The following GPR149 variants were observed in gnomAD, a reference collection of about 807,000 sequenced individuals.
The protein encoded by GPR149 is G protein-coupled receptor 149, also known as probable G protein-coupled receptor 149.
GPR149 carries 50 observed loss-of-function variants against 50.2 expected under a neutral mutation model. That is an observed-to-expected ratio of 1.00 (90% CI 0.79 to 1.26). The LOEUF (loss-of-function observed/expected upper bound fraction) is 1.26. Among genes scored for constraint, GPR149 ranks in the 50% most tolerant of loss-of-function variants. GPR149 has a pLI of 0.00. For missense variants in GPR149, 983 were observed against 895.4 expected, an observed-to-expected ratio of 1.10 and a Z score of -1.25; for synonymous variants, 405 against 358.2, an observed-to-expected ratio of 1.13 and a Z score of -1.48.
intron 3 of GPR149, among the ~76,000 whole-genome samples, chr3:154,402,670 T>C (rs1711576213): frequency 6.6e-6 from 1 of 152,148 alleles, no homozygotes; most frequent in South Asian, 2.1e-4. Context: ...ATCAATTCCT[T>C]TCTTCCTCAA....
At chr3:154,393,108 G>A (rs976646053) in intron 3 of GPR149, among the ~76,000 whole-genome samples, 16 of 151,888 alleles carry the variant, frequency 1.1e-4, no homozygotes, top group African/African-American at 3.1e-4. Context: ...TGATACCAAA[G>A]CCAGACAAAA....
Position 154,337,966 on chromosome 3 carries a change from G to A in GPR149, c.1929C>T (p.Ser643=). The A allele has an allele frequency of 1.2e-6, 2 of 1,614,062 alleles. No individual in the cohort carries two copies. Among genetic ancestry groups the A allele is most frequent in the South Asian group, 1.1e-5 (1 of 91,070 alleles). Residue 643 remains serine, a synonymous_variant, in exon 4 of 4, where the codon TCC becomes TCT. Transcript: ENST00000389740. ...GGGATGGAGATCTGACTTGTGTGGA[G>A]GACTGACTGATGTTACTAATGATTG... ...TVSIISNISQ[S]STQVRSPSLR...
intron 3 of GPR149, among the ~76,000 whole-genome samples, chr3:154,414,398 A>G (rs542285252): frequency 1.3e-5 from 2 of 152,208 alleles, no homozygotes; most frequent in East Asian, 3.9e-4. Context: ...CATAATATAC[A>G]AAGAATGAAA....
In GPR149 at chr3:154,337,886, G is replaced by A. The variant is rs200680639; in HGVS notation, c.2009C>T (p.Ala670Val). The A allele has an allele frequency of 2.5e-6, 4 of 1,613,492 alleles. No homozygotes were observed. The highest frequency in any genetic ancestry group is 1.7e-5 in the Admixed American group (1 of 59,958). ...RFVSCDLGET[A>V]SYSLFLPTSN... ...GGTGGGCAAAAAGAGGGAGTATGAG[G>A]CTGTTTCCCCTAGGTCACATGAAAC... The change falls in exon 4 of 4, where the codon GCC becomes GTC. Residue 670 changes from alanine to valine, a missense_variant. Coordinates refer to ENST00000389740, the MANE Select transcript of GPR149 (RefSeq NM_001038705.3).
At chr3:154,401,873 T>A (rs995171358) in intron 3 of GPR149, among the ~76,000 whole-genome samples, 7 of 152,180 alleles carry the variant, frequency 4.6e-5, no homozygotes, top group African/African-American at 1.7e-4. Flanking sequence ...ATCTGTGGCT[T>A]GCAAAAATAC....
At chr3:154,385,306 G>A (rs971850305) in intron 3 of GPR149, among the ~76,000 whole-genome samples, 48 of 152,156 alleles carry the variant, frequency 3.2e-4, no homozygotes, top group Middle Eastern at 3.2e-3. Context: ...AATTTAGAGC[G>A]GGCTTTCATA....
At chr3:154,359,663 T>C (rs1213712752) in intron 3 of GPR149, among the ~76,000 whole-genome samples, 1 of 152,212 alleles carries the variant, frequency 6.6e-6, no homozygotes, top group Non-Finnish European at 1.5e-5. Flanking sequence ...TCAAGCTGAC[T>C]GAGTGGTAAC....
At position 154,353,604 on chromosome 3, in the gene GPR149, T is replaced by TA. The variant is rs1352515909; in HGVS notation, c.1624-15334dup. The TA allele has an allele frequency of 3.9e-6, 5 of 1,268,202 alleles. No individual in the cohort carries two copies. The African/African-American group carries it at 7.4e-5, about 19-fold the overall frequency. 78.6% of individuals were successfully genotyped at this position (1,268,202 alleles called of 1,614,324 possible). On this transcript the variant is annotated intron_variant, in intron 3 of 3. Coordinates refer to ENST00000389740, the MANE Select transcript of GPR149 (RefSeq NM_001038705.3). Reference sequence around the variant, plus strand: ...TTGGCTTTGATATGGTATTGCACCATAAAAACACACCATGCTGAGTTTCCT... The same window carrying TA: ...TTGGCTTTGATATGGTATTGCACCATAAAAAACACACCATGCTGAGTTTCCT...
chr3:154,349,148 T>G (rs1714006303), intron 3 of GPR149, among the ~76,000 whole-genome samples: 1 of 151,974 alleles, frequency 6.6e-6, no homozygotes, highest in South Asian at 2.1e-4. Flanking sequence ...AATGCATACA[T>G]TAGAAAAGAG....
intron 3 of GPR149, chr3:154,354,805 G>T: frequency 3.1e-6 from 2 of 644,678 alleles, no homozygotes. Flanking sequence ...GGCATTACTG[G>T]CCACCACCTC....
chr3:154,355,358 C>A (rs925951646), intron 3 of GPR149, among the ~76,000 whole-genome samples: 3 of 152,182 alleles, frequency 2.0e-5, no homozygotes, highest in Admixed American at 6.5e-5. Flanking sequence ...TTTGTATTCT[C>A]ATATTTTCAA....
chr3:154,375,086 C>T (rs1714760381), intron 3 of GPR149, among the ~76,000 whole-genome samples: 1 of 152,156 alleles, frequency 6.6e-6, no homozygotes, highest in Non-Finnish European at 1.5e-5. Context: ...ACCCAAGAGC[C>T]ACTTTTTAAT....
At chr3:154,396,844 T>C (rs529971649) in intron 3 of GPR149, among the ~76,000 whole-genome samples, 6 of 151,596 alleles carry the variant, frequency 4.0e-5, no homozygotes, top group Admixed American at 6.6e-5. Context: ...AAAAAATAGA[T>C]GGTCTTTTCT....
At chr3:154,374,773 C>G (rs1284777219) in intron 3 of GPR149, among the ~76,000 whole-genome samples, 2 of 152,104 alleles carry the variant, frequency 1.3e-5, no homozygotes, top group Non-Finnish European at 2.9e-5. Flanking sequence ...TTGCCTTATG[C>G]TTTTCTGATA....
At chr3:154,341,713 T>C (rs1297609649) in intron 3 of GPR149, among the ~76,000 whole-genome samples, 1 of 152,138 alleles carries the variant, frequency 6.6e-6, no homozygotes, top group Non-Finnish European at 1.5e-5. Context: ...AAATTTTATT[T>C]TGAAAGTTTC....
At chr3:154,388,634 A>G (rs1715098985) in intron 3 of GPR149, among the ~76,000 whole-genome samples, 1 of 152,144 alleles carries the variant, frequency 6.6e-6, no homozygotes, top group African/African-American at 2.4e-5. Flanking sequence ...TGTGGAGCTG[A>G]CAGGCAGGAA....
intron 3 of GPR149, chr3:154,352,463 A>G: frequency 2.5e-6 from 2 of 801,122 alleles, no homozygotes; most frequent in Admixed American, 1.7e-5. Flanking sequence ...AAACACCCAT[A>G]TTTCCTTTCA....
At chr3:154,414,699 G>A (rs1711938409) in intron 3 of GPR149, among the ~76,000 whole-genome samples, 1 of 151,874 alleles carries the variant, frequency 6.6e-6, no homozygotes, top group African/African-American at 2.4e-5. Flanking sequence ...TAGAAAAGAC[G>A]AACATCACTT....
intron 3 of GPR149, among the ~76,000 whole-genome samples, chr3:154,342,000 A>G (rs1472622485): frequency 6.6e-6 from 1 of 152,224 alleles, no homozygotes; most frequent in Non-Finnish European, 1.5e-5. Flanking sequence ...CTTACATATT[A>G]TTAGTTATCC....
Sources: allele counts gnomAD v4.1 joint callset (sites outside exome capture counted in the v4.1 genomes callset), GRCh38; gene constraint gnomAD v4.1.1; transcripts MANE v1.5; gene names NCBI Gene and HGNC (gene_info 2026-07-23, HGNC 2026-07-21).